Variants in CEMIP observed in about 807,000 individuals in gnomAD.
CEMIP encodes cell migration-inducing and hyaluronan-binding protein.
In CEMIP, 105 loss-of-function variants were observed where a neutral mutation model predicts 156.9. That is an observed-to-expected ratio of 0.67 (90% confidence interval 0.57 to 0.79). CEMIP has a LOEUF of 0.79. Ranked by LOEUF, CEMIP falls within the 30% of genes least tolerant of loss-of-function variation. CEMIP has a pLI of 0.00. For missense variants in CEMIP, 1,457 were observed against 1,769.4 expected (o/e 0.82, Z 3.17); for synonymous variants, 676 against 668.4 (o/e 1.01, Z -0.17).
intron 1 of CEMIP, among the ~76,000 whole-genome samples, chr15:80,848,873 T>A (rs1897631135): frequency 7.0e-6 from 1 of 142,730 alleles, no homozygotes; most frequent in Admixed American, 7.2e-5. Context: ...TCATGGTCAG[T>A]GTGTTCTCTG....
rs5814038 is a variant in CEMIP, at chr15:80,807,230, ATT to A, written c.-176+27633_-176+27634del. The stretch of plus-strand genomic sequence containing the variant: ...AGTAGAGACAAAGTATCTAGAGAGG[ATT>A]TTTTTTTTTTTTTTTTGAGACAGGG... On this transcript the variant is annotated intron_variant, in intron 1 of 29. Transcript: ENST00000394685. 1.8e-3 allele frequency among the ~76,000 whole-genome samples: 246 copies of A among 138,984 alleles called. 1 individual carries two copies. The highest frequency in any genetic ancestry group is 3.9e-3 in the Admixed American group (54 of 13,994). 91.2% of individuals were successfully genotyped at this position (138,984 alleles called of 152,430 possible).
chr15:80,924,709 A>C lies in CEMIP; in HGVS notation c.2288+3A>C. ...TTCCTCTCAATCATCTCTGCCAGGT[A>C]ATCAGCCATTGGGAAGACACAGTCC... is the stretch of plus-strand genomic sequence containing the variant. On this transcript the variant is annotated splice_donor_region_variant and intron_variant, in intron 18 of 29. Transcript: ENST00000394685. 3 of 1,613,866 alleles carry C rather than the reference A, an allele frequency of 1.9e-6. No homozygotes were observed. The highest frequency in any genetic ancestry group is 2.5e-6 in the Non-Finnish European group (3 of 1,179,834).
At chr15:80,821,266 A>G (rs143403942) in intron 1 of CEMIP, among the ~76,000 whole-genome samples, 136 of 152,278 alleles carry the variant, frequency 8.9e-4, no homozygotes, top group Middle Eastern at 3.4e-3. Flanking sequence ...AGGAACCTTA[A>G]TTTCTGTTTT....
At chr15:80,784,241 C>T (rs1040891779) in intron 1 of CEMIP, among the ~76,000 whole-genome samples, 1 of 152,224 alleles carries the variant, frequency 6.6e-6, no homozygotes, top group African/African-American at 2.4e-5. Flanking sequence ...TTCTTTCTCT[C>T]CTGTCAGTAG....
At chr15:80,886,558 GA>G (rs767089002) in intron 7 of CEMIP, among the ~76,000 whole-genome samples, 100 of 152,294 alleles carry the variant, frequency 6.6e-4, no homozygotes, top group South Asian at 5.8e-3. Flanking sequence ...TGTAGGGGGG[GA>G]AAATCTCTTT....
chr15:80,843,193 A>C (rs934259040), intron 1 of CEMIP, among the ~76,000 whole-genome samples: 2 of 152,088 alleles, frequency 1.3e-5, no homozygotes, highest in Non-Finnish European at 2.9e-5. Flanking sequence ...CATGATCCTT[A>C]CTTTTCAGGT....
At position 80,949,930 on chromosome 15, in the gene CEMIP, G is replaced by C. The variant is rs1021836520; in HGVS notation, c.*1006G>C. The C allele has an allele frequency of 1.3e-5, 2 of 152,258 alleles. No individual in the cohort carries two copies. Among genetic ancestry groups the C allele is most frequent in the Admixed American group, 1.3e-4 (2 of 15,274 alleles). The allele number at this position is 152,258 out of a possible 1,614,324, so 9.4% of individuals were successfully genotyped here. On this transcript the variant is annotated 3_prime_UTR_variant, in exon 30 of 30. Coordinates refer to ENST00000394685, the MANE Select transcript of CEMIP (RefSeq NM_001293298.2). ...GCCTGCTGAAGCTGGTGACTACGGG[G>C]TCGCCCTTTGCTCACGTCTCTCTGG...
chr15:80,813,142 G>T (rs994239505), intron 1 of CEMIP, among the ~76,000 whole-genome samples: 8 of 152,148 alleles, frequency 5.3e-5, no homozygotes, highest in African/African-American at 1.7e-4. Context: ...TATCCCACTT[G>T]ACCCAATGCT....
In CEMIP at chr15:80,940,127, A is replaced by T. The variant is rs1266114803; in HGVS notation, c.3408-1722A>T. Among the ~76,000 whole-genome samples the T allele has an allele frequency of 7.2e-5, 11 of 152,370 alleles. No homozygotes were observed. In the East Asian group the frequency reaches 2.1e-3, roughly 29 times the overall value. ...TTATTTAAGGTGCACAGCCATCAGT[A>T]GCGCTGCTCTGCAACATTACTTGGT... On this transcript the variant is annotated intron_variant, in intron 25 of 29. Coordinates refer to ENST00000394685, the MANE Select transcript of CEMIP (RefSeq NM_001293298.2).
At position 80,929,083 on chromosome 15, in the gene CEMIP, G is replaced by C. The variant is rs767253792; in HGVS notation, c.2521G>C (p.Glu841Gln). The C allele has an allele frequency of 2.5e-6, 4 of 1,614,116 alleles. No homozygotes were observed. The highest frequency in any genetic ancestry group is 4.5e-5 in the East Asian group (2 of 44,882). The change falls in exon 21 of 30, where the codon GAG (glutamate) becomes CAG (glutamine). Residue 841 changes from glutamate to glutamine, a missense_variant. By Grantham distance (29) the Glu-to-Gln change is conservative (BLOSUM62 2). Coordinates refer to ENST00000394685, the MANE Select transcript of CEMIP (RefSeq NM_001293298.2). ...QEIKNSLFVG[E>Q]SGNVGTEMMD... ...GATAAAGAACAGCTTGTTTGTTGGC[G>C]AGAGTGGCAACGTGGGGACGGAAAT...
At chr15:80,904,221 T>C (rs528371010) in intron 12 of CEMIP, among the ~76,000 whole-genome samples, 7 of 152,332 alleles carry the variant, frequency 4.6e-5, no homozygotes, top group African/African-American at 1.7e-4. Flanking sequence ...TAAAGTCTGA[T>C]ACTTGTTTAA....
intron 8 of CEMIP, 93 bp downstream of exon 8, chr15:80,887,857 C>CTGGGAAGCCATGCTCTG: frequency 9.7e-7 from 1 of 1,035,858 alleles, no homozygotes; most frequent in Non-Finnish European, 1.5e-6. Context: ...TTTCTCAGAG[C>CTGGGAAGCCATGCTCTG]ATGGCTTCCC....
chr15:80,810,108 G>A (rs1238018610), intron 1 of CEMIP, among the ~76,000 whole-genome samples: 1 of 151,954 alleles, frequency 6.6e-6, no homozygotes, highest in African/African-American at 2.4e-5. Context: ...ATCTTGGTGG[G>A]GGGATCTTAA....
chr15:80,790,076 C>T (rs780443721), intron 1 of CEMIP, among the ~76,000 whole-genome samples: 1 of 152,112 alleles, frequency 6.6e-6, no homozygotes, highest in Non-Finnish European at 1.5e-5. Context: ...TGGTTTCCCT[C>T]AGTGGAGATG....
rs1482768907 is a variant in CEMIP, at chr15:80,847,546, C to T, written c.-175-25992C>T. Among the ~76,000 whole-genome samples the T allele has an allele frequency of 2.0e-5, 3 of 152,200 alleles. No individual in the cohort carries two copies. In the East Asian group the frequency reaches 5.8e-4, roughly 29 times the overall value. ...AGATCCAGTCCCTTCACTGCTATACCACCTGGGAGTAGGACCCCCAGAATC... is the reference window on the plus strand; with the variant it reads ...AGATCCAGTCCCTTCACTGCTATACTACCTGGGAGTAGGACCCCCAGAATC... On this transcript the variant is annotated intron_variant, in intron 1 of 29. Transcript: ENST00000394685.
rs114605113 is a variant in CEMIP, at chr15:80,933,150, C to G, written c.2794-95C>G. 45 of 1,094,560 alleles carry G rather than the reference C, an allele frequency of 4.1e-5. 1 individual carries two copies. The South Asian group carries it at 5.4e-4, about 13-fold the overall frequency. The allele number at this position is 1,094,560 out of a possible 1,614,324, so 67.8% of individuals were successfully genotyped here. ...CATCTTTGTTTTGGCTGGCTTGTAACGTCAGTGGAAATCGGAAACCTCGCC... is the reference window on the plus strand; with the variant it reads ...CATCTTTGTTTTGGCTGGCTTGTAAGGTCAGTGGAAATCGGAAACCTCGCC... On this transcript the variant is annotated intron_variant, in intron 22 of 29. Transcript: ENST00000394685.
At chr15:80,897,422 T>C in intron 12 of CEMIP, 1 of 448,022 alleles carries the variant, frequency 2.2e-6, no homozygotes, top group Admixed American at 2.4e-5. Context: ...GAGGCGGACC[T>C]AGAGGTCATG....
Position 80,932,981 on chromosome 15 carries a change from A to G in CEMIP, c.2794-264A>G, listed in dbSNP as rs887729186. ...AGGCTGTGTGTCAGAGCAGTCTCCAAGCTCATCCACAGCAGCCAACCCTCC... is the reference window on the plus strand; with the variant it reads ...AGGCTGTGTGTCAGAGCAGTCTCCAGGCTCATCCACAGCAGCCAACCCTCC... On this transcript the variant is annotated intron_variant, in intron 22 of 29. Transcript: ENST00000394685. The surrounding 1 kb of genome is among the most constrained non-coding windows in gnomAD (Gnocchi z 4.5). 6.6e-6 allele frequency among the ~76,000 whole-genome samples: 1 copy of G among 152,132 alleles called. No homozygotes were observed. The highest frequency in any genetic ancestry group is 2.4e-5 in the African/African-American group (1 of 41,420).
intron 1 of CEMIP, among the ~76,000 whole-genome samples, chr15:80,827,783 G>T (rs762865332): frequency 6.6e-6 from 1 of 152,166 alleles, no homozygotes; most frequent in Non-Finnish European, 1.5e-5. Flanking sequence ...ATGGAGAGGA[G>T]ACTAGAGTGA....
Sources: gnomAD v4.1 joint callset for allele counts (sites outside exome capture counted in the v4.1 genomes callset) on GRCh38, gnomAD v4.1.1 for gene constraint, Gnocchi (gnomAD v3.1) non-coding constraint, MANE v1.5 for transcripts, NCBI Gene and HGNC (gene_info 2026-07-23, HGNC 2026-07-21) for gene names.